Variants in SAMMSON observed in about 807,000 individuals in gnomAD.
SAMMSON encodes long intergenic non-protein coding RNA 1212.
intron 1 of SAMMSON, among the ~76,000 whole-genome samples, chr3:70,009,749 C>A (rs1252147358): frequency 1.3e-5 from 2 of 150,672 alleles, no homozygotes; most frequent in African/African-American, 5.0e-5. Context: ...AATTTTAGAT[C>A]TTTCCTGCTT....
intron 3 of SAMMSON, among the ~76,000 whole-genome samples, chr3:70,020,518 A>G (rs1236035935): frequency 6.6e-6 from 1 of 152,150 alleles, no homozygotes; most frequent in Non-Finnish European, 1.5e-5. Context: ...GGCTGCAGGC[A>G]AACTTGTCAA....
chr3:70,345,553 T>C (rs1259088781), intron 7 of SAMMSON, among the ~76,000 whole-genome samples: 1 of 152,212 alleles, frequency 6.6e-6, no homozygotes, highest in African/African-American at 2.4e-5. Flanking sequence ...TTCTATGGCT[T>C]TTAACTAACA....
intron 4 of SAMMSON, among the ~76,000 whole-genome samples, chr3:70,080,460 G>A (rs1181959404): frequency 6.6e-6 from 1 of 152,086 alleles, no homozygotes; most frequent in East Asian, 1.9e-4. Flanking sequence ...ACAGTAATGG[G>A]GAATGAACAA....
intron 3 of SAMMSON, chr3:70,030,290 A>C (rs1320562770): frequency 6.6e-6 from 1 of 152,188 alleles, no homozygotes; most frequent in Non-Finnish European, 1.5e-5. Flanking sequence ...GAGACTGGGA[A>C]CTAGCGTCTA....
At chr3:70,219,512 A>G (rs1293971353) in intron 4 of SAMMSON, among the ~76,000 whole-genome samples, 1 of 152,186 alleles carries the variant, frequency 6.6e-6, no homozygotes, top group East Asian at 1.9e-4. Flanking sequence ...AAAATTGTGC[A>G]AGGTTTTCAT....
intron 9 of SAMMSON, among the ~76,000 whole-genome samples, chr3:70,363,765 TA>T (rs1002130049): frequency 5.3e-5 from 8 of 151,496 alleles, no homozygotes; most frequent in African/African-American, 1.9e-4. Context: ...TATCTTTTTT[TA>T]AAGCTGTTTT....
At chr3:70,087,506 T>C (rs2067290095) in intron 4 of SAMMSON, among the ~76,000 whole-genome samples, 1 of 152,150 alleles carries the variant, frequency 6.6e-6, no homozygotes, top group African/African-American at 2.4e-5. Context: ...CTCAGTAATT[T>C]TGTGGATTCC....
chr3:70,003,127 G>C, intron 1 of SAMMSON, among the ~76,000 whole-genome samples: 1 of 151,900 alleles, frequency 6.6e-6, no homozygotes, highest in East Asian at 1.9e-4. Flanking sequence ...TAGTACTTTT[G>C]ACAGAAAATA....
chr3:70,188,340 A>G (rs1701107207), intron 4 of SAMMSON, among the ~76,000 whole-genome samples: 1 of 152,206 alleles, frequency 6.6e-6, no homozygotes, highest in African/African-American at 2.4e-5. Flanking sequence ...CTCAGAGATC[A>G]TTGAGGTAGT....
rs370120352 is a variant in SAMMSON, at chr3:70,160,081, C to A, written n.507+88516C>A. Among the ~76,000 whole-genome samples, 5 of 151,716 alleles carry A rather than the reference C, an allele frequency of 3.3e-5. No individual in the cohort carries two copies. In the East Asian group the frequency reaches 5.8e-4, roughly 18 times the overall value. On this transcript the variant is annotated intron_variant and non_coding_transcript_variant, in intron 4 of 9. Transcript: ENST00000642114. ...CACATATTTTGCAAATATTTTATCC[C>A]AATTTATTGCTTTTATTTTTGTTTT...
chr3:70,391,803 A>G (rs1208191648), downstream of SAMMSON, among the ~76,000 whole-genome samples: 1 of 152,156 alleles, frequency 6.6e-6, no homozygotes, highest in Non-Finnish European at 1.5e-5. Flanking sequence ...TTTTCATTAT[A>G]TGAAGGCAAA....
intron 1 of SAMMSON, among the ~76,000 whole-genome samples, chr3:70,009,638 T>C (rs1247085528): frequency 3.3e-5 from 5 of 152,076 alleles, no homozygotes; most frequent in Admixed American, 6.5e-5. Flanking sequence ...CTCTATTCCC[T>C]TCAGTTCTGC....
chr3:70,286,115 G>C (rs952564377), intron 6 of SAMMSON, among the ~76,000 whole-genome samples: 4 of 151,994 alleles, frequency 2.6e-5, no homozygotes, highest in African/African-American at 9.7e-5. Context: ...TTGGTGTTTT[G>C]GACATGAAGT....
chr3:70,103,218 T>C (rs190083233), intron 4 of SAMMSON, among the ~76,000 whole-genome samples: 2 of 152,280 alleles, frequency 1.3e-5, no homozygotes, highest in East Asian at 3.9e-4. Context: ...TGGATTTTTG[T>C]ATGAAATCTC....
At chr3:70,116,391 T>G (rs2106664050) in intron 4 of SAMMSON, among the ~76,000 whole-genome samples, 1 of 151,860 alleles carries the variant, frequency 6.6e-6, no homozygotes, top group Non-Finnish European at 1.5e-5. Flanking sequence ...ATTCTTTAGT[T>G]TTGCTGTATT....
intron 6 of SAMMSON, among the ~76,000 whole-genome samples, chr3:70,266,462 C>A (rs550335712): frequency 2.6e-5 from 4 of 151,724 alleles, no homozygotes; most frequent in Non-Finnish European, 5.9e-5. Flanking sequence ...TTTCTGTCAC[C>A]CAGGCTGGAG....
At chr3:70,390,701 C>T (rs116104264), downstream of SAMMSON, among the ~76,000 whole-genome samples, 1,910 of 152,202 alleles carry the variant, frequency 0.013, 40 homozygotes, top group African/African-American at 0.043. Flanking sequence ...ACCTCCATCA[C>T]CTCCACCATC....
chr3:70,152,480 A>G (rs1297618947), intron 4 of SAMMSON, among the ~76,000 whole-genome samples: 1 of 152,010 alleles, frequency 6.6e-6, no homozygotes, highest in Non-Finnish European at 1.5e-5. Flanking sequence ...CTAAACAAGT[A>G]TGGTTTTTAT....
chr3:70,352,263 A>G (rs1340830587), intron 7 of SAMMSON, among the ~76,000 whole-genome samples: 1 of 152,164 alleles, frequency 6.6e-6, no homozygotes, highest in East Asian at 1.9e-4. Context: ...GAAAGGAGTG[A>G]AAGAGAAATG....
Sources: allele counts gnomAD v4.1 joint callset (sites outside exome capture counted in the v4.1 genomes callset), GRCh38; gene constraint gnomAD v4.1.1; transcripts MANE v1.5; gene names NCBI Gene and HGNC (gene_info 2026-07-23, HGNC 2026-07-21).